Variants in ZNF30 observed in about 807,000 individuals in gnomAD.
ZNF30 encodes the protein zinc finger protein 30.
A neutral mutation model predicts 13.2 loss-of-function variants in ZNF30; 15 were observed. That is an observed-to-expected ratio of 1.13 (90% CI 0.76 to 1.75). The LOEUF (loss-of-function observed/expected upper bound fraction) is 1.75, where lower values mean the gene tolerates loss of function less well. Among genes scored for constraint, ZNF30 ranks in the 40% most tolerant of loss-of-function variants. ZNF30 has a pLI of 0.00. For missense variants in ZNF30, 726 were observed against 757.0 expected, an observed-to-expected ratio of 0.96 and a Z score of 0.48; for synonymous variants, 223 against 256.6, an observed-to-expected ratio of 0.87 and a Z score of 1.25.
intron 2 of ZNF30, among the ~76,000 whole-genome samples, chr19:34,930,356 T>C (rs1285440480): frequency 1.3e-5 from 2 of 152,210 alleles, no homozygotes; most frequent in Non-Finnish European, 2.9e-5. Flanking sequence ...TTTGTATTGA[T>C]TGGTCTCAAT....
chr19:34,943,160 C>CT (rs1214083908), intron 4 of ZNF30, 63 bp from the exon 5 acceptor site: 32 of 1,256,574 alleles, frequency 2.5e-5, no homozygotes, highest in Non-Finnish European at 3.2e-5. Flanking sequence ...CAGTTTTTCT[C>CT]TTTTCTTCCC....
chr19:34,943,087 TTTTG>T, intron 4 of ZNF30, 132 bp from the exon 5 acceptor site: 1 of 617,642 alleles, frequency 1.6e-6, no homozygotes. Flanking sequence ...CTTTTTTTTT[TTTTG>T]AATTTCATAA....
intron 4 of ZNF30, chr19:34,942,552 C>T (rs2151675173): frequency 9.5e-7 from 1 of 1,055,846 alleles, no homozygotes; most frequent in Non-Finnish European, 1.3e-6. Flanking sequence ...AGCAGTTTAC[C>T]ATATTCCTGA....
intron 2 of ZNF30, 31 bp from the exon 3 acceptor site, chr19:34,931,812 A>T: frequency 1.2e-6 from 2 of 1,601,486 alleles, no homozygotes; most frequent in Non-Finnish European, 1.7e-6. Context: ...CTCTCCTTTC[A>T]CCTTGAAAGC....
At chr19:34,942,024 T>A (rs12972059) in intron 4 of ZNF30, among the ~76,000 whole-genome samples, 5,808 of 152,330 alleles carry the variant, frequency 0.038, 151 homozygotes, top group Admixed American at 0.057. Flanking sequence ...TAGTTTATTC[T>A]CAAGAAGTAC....
At position 34,937,570 on chromosome 19, in the gene ZNF30, C is replaced by T. The variant is rs149319471; in HGVS notation, c.256+3847C>T. On this transcript the variant is annotated intron_variant, in intron 4 of 4. Transcript: ENST00000601142. ...AACATAGCAGGACCCCCCATCTCTACAAAAAGTTTAAAAATTAGCCAGGCA... is the reference window on the plus strand; with the variant it reads ...AACATAGCAGGACCCCCCATCTCTATAAAAAGTTTAAAAATTAGCCAGGCA... Among the ~76,000 whole-genome samples, 1,219 of 151,954 alleles carry T rather than the reference C, an allele frequency of 8.0e-3. 21 individuals are homozygous for T. The highest frequency in any genetic ancestry group is 0.028 in the African/African-American group (1,157 of 41,466).
In ZNF30 at chr19:34,930,257, A is replaced by T. The variant is rs564716884; in HGVS notation, c.9+301A>T. 1.2e-4 allele frequency among the ~76,000 whole-genome samples: 19 copies of T among 152,286 alleles called. No individual in the cohort carries two copies. The South Asian group carries it at 3.9e-3, about 32-fold the overall frequency. On this transcript the variant is annotated intron_variant, in intron 2 of 4. Transcript: ENST00000601142. ...AGAAGTATTTGAGCTTCCTACATCC[A>T]TCTGTGGTTTGATGAGTTTGATCTG...
rs1042575288 is a variant in ZNF30 at position 34,944,894 on chromosome 19, G to A, written c.*56G>A. Reference sequence around the variant, plus strand: ...TGTGGCTCAAACATTGTTGAACATCGGGGAATTTATGCTGGTAGGAAACTT... The same window carrying A: ...TGTGGCTCAAACATTGTTGAACATCAGGGAATTTATGCTGGTAGGAAACTT... On this transcript the variant is annotated 3_prime_UTR_variant, in exon 5 of 5. Coordinates refer to ENST00000601142, the MANE Select transcript of ZNF30 (RefSeq NM_194325.3). 2.4e-5 allele frequency: 35 copies of A among 1,470,344 alleles called. No individual in the cohort carries two copies. Among genetic ancestry groups the A allele is most frequent in the East Asian group, 4.6e-5 (2 of 43,250 alleles). 91.1% of individuals were successfully genotyped at this position (1,470,344 alleles called of 1,614,324 possible).
At chr19:34,932,925 C>G (rs906554220) in intron 3 of ZNF30, among the ~76,000 whole-genome samples, 5 of 151,376 alleles carry the variant, frequency 3.3e-5, no homozygotes, top group Non-Finnish European at 7.4e-5. Flanking sequence ...GGATTATAAG[C>G]GTACACCACC....
chr19:34,935,933 A>G (rs969316507), intron 4 of ZNF30, among the ~76,000 whole-genome samples: 1 of 152,162 alleles, frequency 6.6e-6, no homozygotes, highest in Non-Finnish European at 1.5e-5. Context: ...CGGAAGGTAA[A>G]AGGCACGTCT....
chr19:34,925,090 C>T (rs887438648), upstream of ZNF30, among the ~76,000 whole-genome samples: 10 of 152,178 alleles, frequency 6.6e-5, no homozygotes, highest in African/African-American at 2.4e-4. Context: ...CTGCTCAAAC[C>T]TCCAGGGGAG....
rs1379248552 is a variant in ZNF30, at chr19:34,926,998, A to G, written c.-283A>G. 2.5e-6 allele frequency: 1 copy of G among 398,436 alleles called. No homozygotes were observed. The highest frequency in any genetic ancestry group is 2.1e-5 in the African/African-American group (1 of 48,612). 24.7% of individuals were successfully genotyped at this position (398,436 alleles called of 1,614,324 possible). ...TCCGGCCAATGTAGCCTGAAACTAC[A>G]TTTCTCAGCGGCCACTGGAACGACC... is the stretch of plus-strand genomic sequence containing the variant. On this transcript the variant is annotated 5_prime_UTR_variant, in exon 1 of 5. Transcript: ENST00000601142.
intron 4 of ZNF30, among the ~76,000 whole-genome samples, chr19:34,940,667 CAAAAAAAAAAAA>C (rs59553578): frequency 0.013 from 840 of 64,028 alleles, 11 homozygotes; most frequent in African/African-American, 0.04. Context: ...GACTCCGTCT[CAAAAAAAAAAAA>C]AAAAAAAAAA....
Position 34,944,941 on chromosome 19 carries a change from A to G in ZNF30, c.*103A>G, listed in dbSNP as rs755256149. The G allele has an allele frequency of 3.8e-6, 4 of 1,058,642 alleles. No homozygotes were observed. The highest frequency in any genetic ancestry group is 5.3e-6 in the Non-Finnish European group (4 of 760,668). The allele number at this position is 1,058,642 out of a possible 1,614,324, so 65.6% of individuals were successfully genotyped here. On this transcript the variant is annotated 3_prime_UTR_variant, in exon 5 of 5. Transcript: ENST00000601142. Reference sequence around the variant, plus strand: ...ACTTTCAAATGTGAAGAATATTGGCAGGTCTATTCTCATCTTATAATTCAT... The same window carrying G: ...ACTTTCAAATGTGAAGAATATTGGCGGGTCTATTCTCATCTTATAATTCAT...
rs112590086 is a variant in ZNF30, at chr19:34,939,552, G to A, written c.257-3671G>A. 7.8e-3 allele frequency among the ~76,000 whole-genome samples: 1,185 copies of A among 152,216 alleles called. 9 individuals are homozygous for A. The highest frequency in any genetic ancestry group is 0.027 in the African/African-American group (1,126 of 41,510). On this transcript the variant is annotated intron_variant, in intron 4 of 4. Transcript: ENST00000601142. ...TGGTCTCAAATTCCTGACCTCAATT[G>A]ATCTACCCTCCTTGGCTTCCCAAAG...
intron 3 of ZNF30, among the ~76,000 whole-genome samples, chr19:34,932,573 T>G (rs1450056880): frequency 6.6e-6 from 1 of 152,158 alleles, no homozygotes; most frequent in Non-Finnish European, 1.5e-5. Context: ...TCTCTGCTCT[T>G]TATATTAATA....
intron 2 of ZNF30, among the ~76,000 whole-genome samples, chr19:34,931,320 A>C (rs1322097658): frequency 6.6e-6 from 1 of 152,150 alleles, no homozygotes; most frequent in East Asian, 1.9e-4. Flanking sequence ...TTTAATACAG[A>C]TCCACAAGAT....
intron 1 of ZNF30, among the ~76,000 whole-genome samples, chr19:34,929,119 A>G (rs1332475006): frequency 2.6e-5 from 4 of 152,190 alleles, no homozygotes; most frequent in Non-Finnish European, 5.9e-5. Context: ...CGTCTCTACT[A>G]AAAATACAAA....
intron 4 of ZNF30, among the ~76,000 whole-genome samples, chr19:34,937,970 A>G (rs1406017214): frequency 6.6e-6 from 1 of 151,966 alleles, no homozygotes; most frequent in Non-Finnish European, 1.5e-5. Flanking sequence ...TAATTTTTGT[A>G]TTTTTAGTAG....
Sources: gnomAD v4.1 joint callset for allele counts (sites outside exome capture counted in the v4.1 genomes callset) on GRCh38, gnomAD v4.1.1 for gene constraint, MANE v1.5 for transcripts, NCBI Gene and HGNC (gene_info 2026-07-23, HGNC 2026-07-21) for gene names.